THADA: variants seen among roughly 807,000 people sequenced by gnomAD.
The protein encoded by THADA is tRNA (32-2'-O)-methyltransferase regulator THADA.
A neutral mutation model predicts 219.8 loss-of-function variants in THADA; 213 were observed. The observed-to-expected ratio is 0.97, with a 90% CI of 0.87 to 1.09. THADA has a LOEUF of 1.09. Ranked by LOEUF, THADA falls within the 50% of genes least tolerant of loss-of-function variation. THADA has a pLI of 0.00. For synonymous variants in THADA, 1,018 were observed against 828.9 expected (o/e 1.23, Z -3.92); for missense variants, 2,956 against 2,311.3 (o/e 1.28, Z -5.72).
At chr2:43,403,386 C>T (rs1675116372) in intron 28 of THADA, among the ~76,000 whole-genome samples, 1 of 152,130 alleles carries the variant, frequency 6.6e-6, no homozygotes, top group Admixed American at 6.5e-5. Flanking sequence ...TATTAAAGAC[C>T]AGGCTCTATA....
chr2:43,273,690 T>G (rs1168121391), intron 36 of THADA, among the ~76,000 whole-genome samples: 2 of 152,070 alleles, frequency 1.3e-5, no homozygotes, highest in African/African-American at 4.8e-5. Context: ...TGTGACTCAG[T>G]GTGAAGTCCC....
intron 21 of THADA, among the ~76,000 whole-genome samples, chr2:43,534,078 A>AT (rs944628398): frequency 7.9e-5 from 12 of 152,188 alleles, no homozygotes; most frequent in Admixed American, 7.9e-4. Flanking sequence ...TCAAATATGT[A>AT]TTTTTTATAA....
At chr2:43,415,750 G>A (rs1042914982) in intron 28 of THADA, among the ~76,000 whole-genome samples, 4 of 152,064 alleles carry the variant, frequency 2.6e-5, no homozygotes, top group Admixed American at 2.0e-4. Context: ...GACGCTTCAC[G>A]GTGGGTCAGG....
chr2:43,561,859 G>C (rs1698105406), intron 15 of THADA, among the ~76,000 whole-genome samples: 1 of 152,164 alleles, frequency 6.6e-6, no homozygotes, highest in African/African-American at 2.4e-5. Context: ...TTTCTCACCA[G>C]TGAGTGTGAT....
intron 8 of THADA, among the ~76,000 whole-genome samples, chr2:43,580,328 C>T (rs779135363): frequency 1.1e-4 from 16 of 151,998 alleles, no homozygotes; most frequent in Non-Finnish European, 2.1e-4. Flanking sequence ...CATGAGCCAC[C>T]ACACCCGGCC....
At chr2:43,477,817 T>C (rs1388985968) in intron 26 of THADA, among the ~76,000 whole-genome samples, 1 of 152,230 alleles carries the variant, frequency 6.6e-6, no homozygotes, top group Non-Finnish European at 1.5e-5. Context: ...CTTCCACATG[T>C]CCTCTCTTTC....
At chr2:43,393,611 G>T (rs1049578475) in intron 29 of THADA, among the ~76,000 whole-genome samples, 1 of 151,758 alleles carries the variant, frequency 6.6e-6, no homozygotes, top group Admixed American at 6.6e-5. Flanking sequence ...GGGAGGCTAA[G>T]GCAGGAGAAT....
At chr2:43,541,372 C>T (rs1695288598) in intron 20 of THADA, 56 bp from the exon 21 acceptor site, 2 of 1,591,980 alleles carry the variant, frequency 1.3e-6, no homozygotes, top group Non-Finnish European at 1.7e-6. Flanking sequence ...TCCCAGGTTT[C>T]TAAAAACAAG....
intron 28 of THADA, among the ~76,000 whole-genome samples, chr2:43,422,941 G>C (rs147615730): frequency 3.9e-5 from 6 of 152,138 alleles, no homozygotes; most frequent in African/African-American, 1.4e-4. Flanking sequence ...GGCTGGTCCA[G>C]GCTATTTCGA....
chr2:43,281,576 G>A (rs1490167240), intron 35 of THADA, among the ~76,000 whole-genome samples: 1 of 151,318 alleles, frequency 6.6e-6, no homozygotes, highest in African/African-American at 2.4e-5. Flanking sequence ...CGGGTAGCTG[G>A]GATTATAGGT....
intron 7 of THADA, among the ~76,000 whole-genome samples, chr2:43,586,022 C>T (rs573712483): frequency 1.1e-4 from 17 of 151,888 alleles, no homozygotes; most frequent in Admixed American, 2.6e-4. Context: ...CTCAACACTT[C>T]GGGAGGCTAA....
intron 36 of THADA, among the ~76,000 whole-genome samples, chr2:43,241,693 G>A (rs998144620): frequency 8.6e-5 from 13 of 151,884 alleles, no homozygotes; most frequent in African/African-American, 1.2e-4. Flanking sequence ...ATTAGAAGAC[G>A]GCAGCAGCTG....
At chr2:43,468,116 C>A (rs1222472061) in intron 26 of THADA, among the ~76,000 whole-genome samples, 2 of 151,822 alleles carry the variant, frequency 1.3e-5, no homozygotes, top group Non-Finnish European at 2.9e-5. Flanking sequence ...AGATCTTTAT[C>A]CAGGATATTT....
chr2:43,286,809 T>A, intron 35 of THADA, 99 bp downstream of exon 35: 1 of 1,358,526 alleles, frequency 7.4e-7, no homozygotes, highest in Non-Finnish European at 1.0e-6. Flanking sequence ...AAGGCAGGTG[T>A]CATGTTGCCA....
chr2:43,339,782 G>A (rs1275388530), intron 30 of THADA, among the ~76,000 whole-genome samples: 1 of 152,166 alleles, frequency 6.6e-6, no homozygotes, highest in Non-Finnish European at 1.5e-5. Flanking sequence ...AGCTGGGACA[G>A]CTGAGCTGGA....
At chr2:43,445,493 G>A (rs977314358) in intron 26 of THADA, among the ~76,000 whole-genome samples, 7 of 152,156 alleles carry the variant, frequency 4.6e-5, no homozygotes, top group Middle Eastern at 3.2e-3. Flanking sequence ...CTCACACTCA[G>A]GAAGTCTGTG....
In THADA at chr2:43,526,658, C is replaced by T. The variant is rs532957567; in HGVS notation, c.3374+1221G>A. On this transcript the variant is annotated intron_variant, in intron 22 of 37. Transcript: ENST00000405975. ...GGTAATCAGTCCACACACATCCACACACAGAGAGATGCTGGGTGCTGTATA... is the reference window on the plus strand; with the variant it reads ...GGTAATCAGTCCACACACATCCACATACAGAGAGATGCTGGGTGCTGTATA... 3.3e-5 allele frequency among the ~76,000 whole-genome samples: 5 copies of T among 152,320 alleles called. No homozygotes were observed. In the South Asian group the frequency reaches 1.0e-3, roughly 32 times the overall value.
intron 13 of THADA, 128 bp downstream of exon 13, chr2:43,571,579 T>A: frequency 1.2e-6 from 1 of 866,872 alleles, no homozygotes; most frequent in Non-Finnish European, 1.8e-6. Context: ...AGAACGGCCG[T>A]CATGAACAGA....
At chr2:43,541,137 G>A (rs770179180) in intron 21 of THADA, 22 bp downstream of exon 21, 1 of 1,496,004 alleles carries the variant, frequency 6.7e-7, no homozygotes, top group South Asian at 1.4e-5. Flanking sequence ...ATTATACATG[G>A]TGGAATAAAC....
Sources: allele counts gnomAD v4.1 joint callset (sites outside exome capture counted in the v4.1 genomes callset), GRCh38; gene constraint gnomAD v4.1.1; transcripts MANE v1.5; gene names NCBI Gene and HGNC (gene_info 2026-07-23, HGNC 2026-07-21).